The following FAM124A variants were observed in gnomAD, a reference collection of about 807,000 sequenced individuals.
FAM124A encodes family with sequence similarity 124 member A.
FAM124A carries 23 observed loss-of-function variants against 24.5 expected under a neutral mutation model. The ratio of observed to expected loss-of-function variants is 0.94; its 90% confidence interval spans 0.68 to 1.33. The LOEUF (loss-of-function observed/expected upper bound fraction) is 1.33, where lower values mean the gene tolerates loss of function less well. Ranked by LOEUF, FAM124A falls within the 40% of genes most tolerant of loss-of-function variation. The pLI is 0.00. For missense variants in FAM124A, 623 were observed against 722.8 expected (o/e 0.86, Z 1.58); for synonymous variants, 287 against 314.7 (o/e 0.91, Z 0.93).
intron 2 of FAM124A, among the ~76,000 whole-genome samples, chr13:51,246,055 A>G (rs1250298420): frequency 6.6e-6 from 1 of 152,200 alleles, no homozygotes; most frequent in East Asian, 1.9e-4. Context: ...TCTATAATCA[A>G]ATGAAAAAGA....
At chr13:51,232,539 T>C (rs1954388976) in intron 2 of FAM124A, among the ~76,000 whole-genome samples, 1 of 152,238 alleles carries the variant, frequency 6.6e-6, no homozygotes, top group South Asian at 2.1e-4. Flanking sequence ...TAATTTAGTG[T>C]CAAATTATAT....
chr13:51,235,348 T>G (rs905846595), intron 2 of FAM124A, among the ~76,000 whole-genome samples: 6 of 149,246 alleles, frequency 4.0e-5, no homozygotes, highest in Non-Finnish European at 5.9e-5. Flanking sequence ...GGAGGGAAAT[T>G]ATTTATAAAC....
In FAM124A at chr13:51,272,566, T is replaced by TACACACACACACACACACACACACAC. The variant is rs3138586; in HGVS notation, c.835-7881_835-7856dup. On this transcript the variant is annotated intron_variant, in intron 3 of 3. Coordinates refer to ENST00000322475, the MANE Select transcript of FAM124A (RefSeq NM_001242312.2). This position sits in a 1 kb window ranked among gnomAD's most constrained non-coding sequence, Gnocchi z 4.2. ...ACCTATTTTTGTAAATAAAGCCTTA[T>TACACACACACACACACACACACACAC]ACACACACACACACACACACACACA... Among the ~76,000 whole-genome samples, 3 of 148,964 alleles carry TACACACACACACACACACACACACAC rather than the reference T, an allele frequency of 2.0e-5. No homozygotes were observed. The South Asian group carries it at 6.5e-4, about 32-fold the overall frequency.
intron 2 of FAM124A, 142 bp downstream of exon 2, chr13:51,231,521 G>A (rs1954377085): frequency 2.4e-6 from 2 of 850,018 alleles, no homozygotes; most frequent in South Asian, 2.1e-5. Flanking sequence ...ACAGGATGCT[G>A]TAACTCTGGA....
chr13:51,274,154 G>A (rs766283460), intron 3 of FAM124A, among the ~76,000 whole-genome samples: 7 of 152,130 alleles, frequency 4.6e-5, no homozygotes, highest in Admixed American at 1.3e-4. Flanking sequence ...CAATATCCAT[G>A]TTGTTTCCTA....
intron 3 of FAM124A, among the ~76,000 whole-genome samples, chr13:51,265,287 T>C (rs1424768539): frequency 6.6e-6 from 1 of 152,194 alleles, no homozygotes; most frequent in Non-Finnish European, 1.5e-5. Context: ...CCTCAACTTC[T>C]GTGACATGGT....
In FAM124A at chr13:51,282,291, T is replaced by A. The variant is rs1185757212; in HGVS notation, c.*1035T>A. On this transcript the variant is annotated 3_prime_UTR_variant, in exon 4 of 4. Coordinates refer to ENST00000322475, the MANE Select transcript of FAM124A (RefSeq NM_001242312.2). ...TTGATCACACAGATTAATAATGCTG[T>A]TCTCCCCAAAACGGGAAACTTTACC... 6.6e-6 allele frequency: 1 copy of A among 152,210 alleles called. No homozygotes were observed. Among genetic ancestry groups the A allele is most frequent in the African/African-American group, 2.4e-5 (1 of 41,456 alleles). The allele number at this position is 152,210 out of a possible 1,614,324, so 9.4% of individuals were successfully genotyped here.
intron 2 of FAM124A, among the ~76,000 whole-genome samples, chr13:51,234,601 C>T (rs929000052): frequency 6.6e-6 from 1 of 151,988 alleles, no homozygotes; most frequent in Admixed American, 6.6e-5. Context: ...AAGGGCCCTT[C>T]CAGAAGCTCT....
In FAM124A at chr13:51,235,441, TTGAA is replaced by T. The variant is rs149778708; in HGVS notation, c.100+4064_100+4067del. On this transcript the variant is annotated intron_variant, in intron 2 of 3. Coordinates refer to ENST00000322475, the MANE Select transcript of FAM124A (RefSeq NM_001242312.2). ...CTAACGAAATTTGCATCATGTGTGATTGAATATTTCCATTCAAATTAAGATTATA... is the reference window on the plus strand; with the variant it reads ...CTAACGAAATTTGCATCATGTGTGATTATTTCCATTCAAATTAAGATTATA... Among the ~76,000 whole-genome samples, 1,167 of 152,324 alleles carry T rather than the reference TTGAA, an allele frequency of 7.7e-3. 15 individuals carry two copies. The highest frequency in any genetic ancestry group is 0.026 in the African/African-American group (1,093 of 41,554).
At position 51,281,058 on chromosome 13, in the gene FAM124A, T is replaced by C; in HGVS notation, c.1443T>C (p.Pro481=). The stretch of plus-strand genomic sequence containing the variant: ...CAGAGGCCTCCTGGGCTTCCCTCCC[T>C]TTCTTCACCAAAAGGTCTTCCAGCT... The part of the protein sequence containing the change: ...VTTEASWASL[P]FFTKRSSSSS... Residue 481 remains proline, a synonymous_variant, in exon 4 of 4, where the codon CCT becomes CCC. Coordinates refer to ENST00000322475, the MANE Select transcript of FAM124A (RefSeq NM_001242312.2). The C allele has an allele frequency of 1.9e-6, 3 of 1,614,096 alleles. No individual in the cohort carries two copies. Among genetic ancestry groups the C allele is most frequent in the Non-Finnish European group, 2.5e-6 (3 of 1,179,998 alleles).
chr13:51,242,713 G>GA lies in FAM124A; in HGVS notation c.101-8746dup, dbSNP rs557997999. Among the ~76,000 whole-genome samples, 269 of 149,458 alleles carry GA rather than the reference G, an allele frequency of 1.8e-3. 3 individuals carry two copies. Among genetic ancestry groups the GA allele is most frequent in the Non-Finnish European group, 2.9e-3 (193 of 67,328 alleles). ...AAGATGGATGTCCCATTTCCAAGTGGAAAAAAAAACCGGCAGGGTATCTAA... is the reference window on the plus strand; with the variant it reads ...AAGATGGATGTCCCATTTCCAAGTGGAAAAAAAAAACCGGCAGGGTATCTAA... On this transcript the variant is annotated intron_variant, in intron 2 of 3. Transcript: ENST00000322475.
At chr13:51,265,406 G>A (rs1954775826) in intron 3 of FAM124A, among the ~76,000 whole-genome samples, 1 of 152,042 alleles carries the variant, frequency 6.6e-6, no homozygotes, top group Non-Finnish European at 1.5e-5. Flanking sequence ...CTGCAGGCCT[G>A]GGAGCACTGA....
At chr13:51,235,107 C>T (rs182098954) in intron 2 of FAM124A, among the ~76,000 whole-genome samples, 11 of 152,136 alleles carry the variant, frequency 7.2e-5, no homozygotes, top group Admixed American at 2.6e-4. Context: ...CCAGTTGCAA[C>T]GGGTTCATTT....
In FAM124A at chr13:51,282,250, C is replaced by T. The variant is rs1166411544; in HGVS notation, c.*994C>T. 1 of 152,218 alleles carries T rather than the reference C, an allele frequency of 6.6e-6. No homozygotes were observed. The highest frequency in any genetic ancestry group is 6.5e-5 in the Admixed American group (1 of 15,286). 9.4% of individuals were successfully genotyped at this position (152,218 alleles called of 1,614,324 possible). On this transcript the variant is annotated 3_prime_UTR_variant, in exon 4 of 4. Transcript: ENST00000322475. ...TTTCTCATTTTTAAATGATTTGGAACATTTTAGCCAGCATTTTGATCACAC... is the reference window on the plus strand; with the variant it reads ...TTTCTCATTTTTAAATGATTTGGAATATTTTAGCCAGCATTTTGATCACAC...
chr13:51,247,532 G>T (rs1339818464), intron 2 of FAM124A, among the ~76,000 whole-genome samples: 1 of 152,204 alleles, frequency 6.6e-6, no homozygotes, highest in Non-Finnish European at 1.5e-5. Context: ...GCACACCTGG[G>T]GGTGGGATTA....
At chr13:51,248,608 C>T (rs1381438486) in intron 2 of FAM124A, among the ~76,000 whole-genome samples, 5 of 152,182 alleles carry the variant, frequency 3.3e-5, no homozygotes, top group Admixed American at 2.6e-4. Flanking sequence ...GGGTCTGTTC[C>T]ATGTGTCTCA....
At chr13:51,249,797 CCACTCAGT>C (rs1287922026) in intron 2 of FAM124A, among the ~76,000 whole-genome samples, 1 of 152,170 alleles carries the variant, frequency 6.6e-6, no homozygotes, top group East Asian at 1.9e-4. Context: ...TTGTGTTTCC[CCACTCAGT>C]CACAAAGTTC....
At chr13:51,223,406 C>G (rs1697096671) in intron 1 of FAM124A, among the ~76,000 whole-genome samples, 1 of 152,098 alleles carries the variant, frequency 6.6e-6, no homozygotes, top group African/African-American at 2.4e-5. Context: ...ACATCCAGGC[C>G]GCGGGTACTG....
At chr13:51,246,242 A>G (rs146447870) in intron 2 of FAM124A, among the ~76,000 whole-genome samples, 1 of 152,250 alleles carries the variant, frequency 6.6e-6, no homozygotes, top group Non-Finnish European at 1.5e-5. Context: ...AAGACATGTA[A>G]TAGATATGAT....
Sources: gnomAD v4.1 joint callset for allele counts (sites outside exome capture counted in the v4.1 genomes callset) on GRCh38, gnomAD v4.1.1 for gene constraint, Gnocchi (gnomAD v3.1) non-coding constraint, MANE v1.5 for transcripts, NCBI Gene and HGNC (gene_info 2026-07-23, HGNC 2026-07-21) for gene names.